OPHN1: variants seen among roughly 807,000 people sequenced by gnomAD.
The protein encoded by OPHN1 is oligophrenin 1, also known as oligophrenin-1.
Under a neutral mutation model 60.7 loss-of-function variants are expected in OPHN1, and 11 were observed. The observed-to-expected ratio is 0.18, with a 90% CI of 0.11 to 0.30. The LOEUF is 0.30. Among genes scored for constraint, OPHN1 ranks in the 10% least tolerant of loss-of-function variants. OPHN1 has a pLI of 1.00. For missense variants in OPHN1, 449 were observed against 611.0 expected (o/e 0.73, Z 2.80); for synonymous variants, 226 against 222.6 (o/e 1.02, Z -0.14).
intron 5 of OPHN1, among the ~76,000 whole-genome samples, chrX:68,271,088 C>A (rs1033045643): frequency 9.0e-6 from 1 of 111,636 alleles, no homozygotes; most frequent in Non-Finnish European, 1.9e-5. Context: ...AGCAGCAGTG[C>A]TGGGTATACC....
At chrX:68,392,607 C>T (rs927629750) in intron 2 of OPHN1, among the ~76,000 whole-genome samples, 4 of 110,001 alleles carry the variant, frequency 3.6e-5, no homozygotes, top group East Asian at 2.9e-4. Context: ...CCTGTTTTCA[C>T]GCCCAAAACA....
rs1030047261 is a variant in OPHN1, at chrX:68,044,800, G to C, written c.*2372C>G. ...CCTCCAGGCAGACTGCTGGTCCCCA[G>C]CTCTCCAAGATAGGCCCTTGATCTG... On this transcript the variant is annotated 3_prime_UTR_variant, in exon 25 of 25. Coordinates refer to ENST00000355520, the MANE Select transcript of OPHN1 (RefSeq NM_002547.3). The C allele has an allele frequency of 1.8e-5, 2 of 112,926 alleles. No individual in the cohort carries two copies. The highest frequency in any genetic ancestry group is 1.9e-4 in the Admixed American group (2 of 10,727). 9.3% of individuals were successfully genotyped at this position (112,926 alleles called of 1,213,427 possible). A position where few individuals can be genotyped will look rare whatever the true frequency, so the allele number is the denominator to read the frequency against.
intron 2 of OPHN1, among the ~76,000 whole-genome samples, chrX:68,426,682 G>A (rs1201450890): frequency 3.5e-5 from 2 of 56,723 alleles, no homozygotes; most frequent in African/African-American, 1.0e-4. Flanking sequence ...GAGCAACATG[G>A]CAGGACCGCA....
intron 15 of OPHN1, among the ~76,000 whole-genome samples, chrX:68,151,416 G>A (rs867274139): frequency 1.8e-5 from 2 of 111,766 alleles, no homozygotes; most frequent in Non-Finnish European, 1.9e-5. Context: ...AAGACATATC[G>A]AGACCCATCC....
intron 19 of OPHN1, among the ~76,000 whole-genome samples, chrX:68,073,884 C>T (rs1237725963): frequency 2.7e-5 from 3 of 112,259 alleles, no homozygotes; most frequent in Non-Finnish European, 5.6e-5. Context: ...TCACTTTGTT[C>T]TTTTATAATT....
Position 68,433,161 on chromosome X carries a change from C to G in OPHN1, c.-5+7G>C, listed in dbSNP as rs1419750838. ...TCATAGCCTCCGTCCCTTTGGAGGA[C>G]AGGTACCTGTTTCAGTGAGACTCCT... is the stretch of plus-strand genomic sequence containing the variant. On this transcript the variant is annotated splice_region_variant and intron_variant, in intron 1 of 24. Transcript: ENST00000355520. The G allele has an allele frequency of 1.6e-6, 1 of 621,433 alleles. No individual in the cohort carries two copies. Among genetic ancestry groups the G allele is most frequent in the Non-Finnish European group, 2.4e-6 (1 of 417,303 alleles). 51.2% of individuals were successfully genotyped at this position (621,433 alleles called of 1,213,427 possible).
At chrX:68,170,321 T>G (rs1466346849) in intron 15 of OPHN1, among the ~76,000 whole-genome samples, 7 of 104,684 alleles carry the variant, frequency 6.7e-5, no homozygotes, top group South Asian at 9.1e-4. Context: ...GGAACACTTT[T>G]ACACTGTTGG....
chrX:68,080,138 C>G (rs889906297), intron 19 of OPHN1, among the ~76,000 whole-genome samples: 1 of 112,195 alleles, frequency 8.9e-6, no homozygotes, highest in African/African-American at 3.2e-5. Flanking sequence ...GTCTTCGGGA[C>G]AAAGGCCAAA....
chrX:68,105,637 T>TCA (rs1478881982), intron 18 of OPHN1, among the ~76,000 whole-genome samples: 1 of 63,114 alleles, frequency 1.6e-5, no homozygotes, highest in African/African-American at 6.7e-5. Context: ...GAGGGGAACA[T>TCA]CACACACTGG....
chrX:68,244,052 C>A lies in OPHN1; in HGVS notation c.385-9464G>T, dbSNP rs769199624. ...TAGTTGTTACTATGACCTACAAAAT[C>A]CCCTATGATCTGGCCTGGGCCAGAA... On this transcript the variant is annotated intron_variant, in intron 5 of 24. Coordinates refer to ENST00000355520, the MANE Select transcript of OPHN1 (RefSeq NM_002547.3). Among the ~76,000 whole-genome samples the A allele has an allele frequency of 4.4e-5, 5 of 112,622 alleles. No individual in the cohort carries two copies. The Admixed American group carries it at 4.7e-4, about 11-fold the overall frequency.
At chrX:68,297,903 A>C (rs1042483691) in intron 3 of OPHN1, among the ~76,000 whole-genome samples, 1 of 111,866 alleles carries the variant, frequency 8.9e-6, no homozygotes, top group Non-Finnish European at 1.9e-5. Flanking sequence ...AGAGAAAAAG[A>C]CTTAAAGGAT....
intron 2 of OPHN1, chrX:68,336,494 G>A (rs1044870294): frequency 9.0e-6 from 1 of 111,145 alleles, no homozygotes; most frequent in Non-Finnish European, 1.9e-5. Context: ...GATCAAGGTT[G>A]CAGTAAGCGA....
At chrX:68,299,620 T>C (rs2078110857) in intron 2 of OPHN1, among the ~76,000 whole-genome samples, 1 of 111,591 alleles carries the variant, frequency 9.0e-6, no homozygotes, top group South Asian at 3.8e-4. Flanking sequence ...GATGACAGCC[T>C]GGGTTAGGAT....
At chrX:68,347,116 C>A (rs930528257) in intron 2 of OPHN1, among the ~76,000 whole-genome samples, 22 of 111,465 alleles carry the variant, frequency 2.0e-4, no homozygotes, top group African/African-American at 7.2e-4. Flanking sequence ...TCTCCAGTGT[C>A]TTTTAGTATT....
chrX:68,111,655 G>C (rs1325288804), intron 18 of OPHN1, among the ~76,000 whole-genome samples, 199 bp downstream of exon 18: 1 of 111,687 alleles, frequency 9.0e-6, no homozygotes, highest in South Asian at 3.8e-4. Flanking sequence ...TTTCAACTGA[G>C]ACAATCCACA....
At chrX:68,059,204 C>T (rs1247989532) in intron 21 of OPHN1, among the ~76,000 whole-genome samples, 1 of 112,069 alleles carries the variant, frequency 8.9e-6, no homozygotes, top group Non-Finnish European at 1.9e-5. Flanking sequence ...ATCTCCTTCT[C>T]AAGCCCCACC....
intron 16 of OPHN1, among the ~76,000 whole-genome samples, chrX:68,113,975 A>G (rs34653603): frequency 0.22 from 18,416 of 84,148 alleles, 1,507 homozygotes; most frequent in African/African-American, 0.45. Context: ...AATAATAAAA[A>G]AAAAAAGAAA....
At chrX:68,151,426 C>G (rs1403299278) in intron 15 of OPHN1, among the ~76,000 whole-genome samples, 1 of 111,882 alleles carries the variant, frequency 8.9e-6, no homozygotes, top group Non-Finnish European at 1.9e-5. Flanking sequence ...GAGACCCATC[C>G]TCCAACAAAC....
rs766390059 is a variant in OPHN1 at position 68,381,818 on chromosome X, CCTTT to C, written c.154+51045_154+51048del. On this transcript the variant is annotated intron_variant, in intron 2 of 24. Transcript: ENST00000355520. Reference sequence around the variant, plus strand: ...TCTCTCTCTCTCTTCTCTCCTCTTCCCTTTCTTTCTTTCTCTCTCTCTCTCGCTG... The same window carrying C: ...TCTCTCTCTCTCTTCTCTCCTCTTCCCTTTCTTTCTCTCTCTCTCTCGCTG... 1.5e-3 allele frequency among the ~76,000 whole-genome samples: 170 copies of C among 111,060 alleles called. 2 individuals carry two copies. The highest frequency in any genetic ancestry group is 5.3e-3 in the African/African-American group (162 of 30,584).
Sources: gnomAD v4.1 joint callset for allele counts (sites outside exome capture counted in the v4.1 genomes callset) on GRCh38, gnomAD v4.1.1 for gene constraint, MANE v1.5 for transcripts, NCBI Gene and HGNC (gene_info 2026-07-23, HGNC 2026-07-21) for gene names.